The following MYO18B variants were observed in gnomAD, a reference collection of about 807,000 sequenced individuals.
MYO18B encodes unconventional myosin-XVIIIb.
Under a neutral mutation model 273.0 loss-of-function variants are expected in MYO18B, and 204 were observed. The ratio of observed to expected loss-of-function variants is 0.75; its 90% CI spans 0.67 to 0.84. The LOEUF is 0.84. MYO18B is among the 40% of genes least tolerant of loss of function. The probability of loss-of-function intolerance (pLI) is 0.00; values close to 1 mark genes in which losing one functional copy is unlikely to be tolerated. For synonymous variants in MYO18B, 1,330 were observed against 1,305.7 expected (o/e 1.02, Z -0.40); for missense variants, 3,212 against 3,287.6 (o/e 0.98, Z 0.56).
Position 25,918,808 on chromosome 22 carries a change from C to G in MYO18B, c.5365-2449C>G, listed in dbSNP as rs549581055. 5.7e-4 allele frequency among the ~76,000 whole-genome samples: 87 copies of G among 152,354 alleles called. No individual in the cohort carries two copies. In the South Asian group the frequency reaches 0.018, roughly 31 times the overall value. On this transcript the variant is annotated intron_variant, in intron 33 of 43. Coordinates refer to ENST00000335473, the MANE Select transcript of MYO18B (RefSeq NM_032608.7). Reference sequence around the variant, plus strand: ...ATAAGAAATGTGCAAAGCCCACTGCCTAAGCATACTCATGAGTCTGGGTTC... The same window carrying G: ...ATAAGAAATGTGCAAAGCCCACTGCGTAAGCATACTCATGAGTCTGGGTTC...
chr22:25,906,434 GTACACTATCC>G (rs1358070485), intron 31 of MYO18B, among the ~76,000 whole-genome samples: 1 of 152,126 alleles, frequency 6.6e-6, no homozygotes, highest in Admixed American at 6.5e-5. Flanking sequence ...GGCCTCTGAC[GTACACTATCC>G]TTTTGCTCCT....
intron 40 of MYO18B, among the ~76,000 whole-genome samples, chr22:26,000,005 C>T (rs1293074945): frequency 6.6e-6 from 1 of 152,252 alleles, no homozygotes; most frequent in South Asian, 2.1e-4. Context: ...AACCACTGAC[C>T]GCATGTCAGG....
chr22:25,934,991 C>T (rs1024681627), intron 34 of MYO18B, among the ~76,000 whole-genome samples: 4 of 151,800 alleles, frequency 2.6e-5, no homozygotes, highest in African/African-American at 4.8e-5. Context: ...TGCACACACG[C>T]GGTGTGTTTT....
chr22:25,842,446 G>A (rs142283799), intron 17 of MYO18B, among the ~76,000 whole-genome samples: 2 of 152,238 alleles, frequency 1.3e-5, no homozygotes, highest in African/African-American at 4.8e-5. Context: ...GCCAAGGCAG[G>A]CAGATCACTT....
At chr22:25,833,714 G>A (rs1203011327) in intron 16 of MYO18B, among the ~76,000 whole-genome samples, 1 of 152,162 alleles carries the variant, frequency 6.6e-6, no homozygotes, top group African/African-American at 2.4e-5. Flanking sequence ...TCCAGAATGG[G>A]GATGCTACTT....
Position 25,847,572 on chromosome 22 carries a change from C to A in MYO18B, c.3695C>A (p.Pro1232His). Residue 1232 changes from proline to histidine, a missense_variant, in exon 20 of 44, where the codon CCT (proline) becomes CAT (histidine). Physicochemically the swap from Pro to His is moderately conservative, Grantham distance 77. Transcript: ENST00000335473. ...PGRDKPGAGG[P>H]LALDIPALRV... ...AGAGACAAGCCTGGGGCAGGTGGAC[C>A]TCTGGCCCTGGATATCCCAGCACTG... is the stretch of plus-strand genomic sequence containing the variant. 3.2e-6 allele frequency: 5 copies of A among 1,567,910 alleles called. No homozygotes were observed. Among genetic ancestry groups the A allele is most frequent in the African/African-American group, 1.4e-5 (1 of 73,836 alleles).
At chr22:25,929,523 T>A (rs889925097) in intron 34 of MYO18B, among the ~76,000 whole-genome samples, 4 of 152,256 alleles carry the variant, frequency 2.6e-5, no homozygotes, top group African/African-American at 9.6e-5. Context: ...AGATGATGTC[T>A]GCTCCAGGGC....
chr22:25,798,038 G>T lies in MYO18B; in HGVS notation c.2462G>T (p.Arg821Leu), dbSNP rs772893371. ...CTCGGCATCTCAGAGAGCGAGCAGCGGGCTGTTTGGCGGGTCCTGGCAGCC... is the reference window on the plus strand; with the variant it reads ...CTCGGCATCTCAGAGAGCGAGCAGCTGGCTGTTTGGCGGGTCCTGGCAGCC... ...EMLGISESEQ[R>L]AVWRVLAAIY... The change falls in exon 12 of 44, where the codon CGG (arginine) becomes CTG (leucine). Residue 821 changes from arginine to leucine, a missense_variant. Physicochemically the swap from Arg to Leu is moderately radical, Grantham distance 102. Transcript: ENST00000335473. 1 of 1,612,998 alleles carries T rather than the reference G, an allele frequency of 6.2e-7. No individual in the cohort carries two copies. Among genetic ancestry groups the T allele is most frequent in the African/African-American group, 1.3e-5 (1 of 75,042 alleles).
Position 25,903,757 on chromosome 22 carries a change from A to C in MYO18B, c.5074A>C (p.Lys1692Gln). 6.2e-7 allele frequency: 1 copy of C among 1,604,758 alleles called. No homozygotes were observed. Among genetic ancestry groups the C allele is most frequent in the South Asian group, 1.1e-5 (1 of 89,048 alleles). The change falls in exon 31 of 44, where the codon AAG becomes CAG. Residue 1692 changes from lysine (K) to glutamine (Q), a missense_variant. Transcript: ENST00000335473. ...TGCTGGCTTGAAGGAGAGGCTCTGG[A>C]AGTTGGAATCCAGCGCCCTTGAGCA... Reference protein sequence around the residue: ...CVAGLKERLWKLESSALEQQK... With the variant: ...CVAGLKERLWQLESSALEQQK...
chr22:25,987,805 A>G (rs917592358), intron 39 of MYO18B, among the ~76,000 whole-genome samples: 2 of 152,126 alleles, frequency 1.3e-5, no homozygotes, highest in African/African-American at 4.8e-5. Flanking sequence ...ATATACCAGG[A>G]TATATGGATG....
At chr22:25,790,924 G>A (rs1444449712) in intron 11 of MYO18B, among the ~76,000 whole-genome samples, 1 of 152,088 alleles carries the variant, frequency 6.6e-6, no homozygotes, top group African/African-American at 2.4e-5. Context: ...CTCAAATCTG[G>A]GCTGAGTAGT....
At chr22:26,053,959 G>T in the MYO18B span, among the ~76,000 whole-genome samples, 6 of 152,172 alleles carry the variant, frequency 3.9e-5, no homozygotes, top group Non-Finnish European at 7.3e-5. Context: ...GGAGAACTGG[G>T]AGGGGTTGGG....
At chr22:25,878,165 G>A (rs2091252463) in intron 25 of MYO18B, 117 bp downstream of exon 25, 1 of 778,786 alleles carries the variant, frequency 1.3e-6, no homozygotes, top group South Asian at 1.9e-5. Context: ...AAGCACCCCA[G>A]AATTACCTGT....
At position 25,843,906 on chromosome 22, in the gene MYO18B, C is replaced by G. The variant is rs1373296952; in HGVS notation, c.3368+12C>G. 1 of 1,595,298 alleles carries G rather than the reference C, an allele frequency of 6.3e-7. No individual in the cohort carries two copies. Among genetic ancestry groups the G allele is most frequent in the East Asian group, 2.3e-5 (1 of 44,444 alleles). On this transcript the variant is annotated intron_variant, in intron 18 of 43. Transcript: ENST00000335473. Reference sequence around the variant, plus strand: ...CACCAGTCAAAAAGGTGAGTTGGGTCAGGGTTGGGGACGGGGATGGAGCAT... The same window carrying G: ...CACCAGTCAAAAAGGTGAGTTGGGTGAGGGTTGGGGACGGGGATGGAGCAT...
intron 22 of MYO18B, among the ~76,000 whole-genome samples, chr22:25,870,564 G>A (rs1050571383): frequency 1.3e-5 from 2 of 152,150 alleles, no homozygotes; most frequent in Non-Finnish European, 2.9e-5. Flanking sequence ...GTCATTAGGC[G>A]GTGCATGACT....
intron 19 of MYO18B, 61 bp from the exon 20 acceptor site, chr22:25,847,369 C>G (rs2090282398): frequency 1.4e-6 from 2 of 1,439,548 alleles, no homozygotes; most frequent in African/African-American, 2.8e-5. Flanking sequence ...TGGAGAGGGT[C>G]CAGTCCCCTT....
intron 35 of MYO18B, 78 bp downstream of exon 35, chr22:25,946,328 T>C: frequency 3.1e-6 from 3 of 971,596 alleles, no homozygotes; most frequent in Non-Finnish European, 4.7e-6. Flanking sequence ...TAGTGTGCGC[T>C]CAGCACTATA....
Position 25,891,062 on chromosome 22 carries a change from G to A in MYO18B, c.4434+187G>A, listed in dbSNP as rs553862764. ...CTTGGCCTTGGGGGTGTTATGGGTG[G>A]ATAGTCCCTGGCTAGAGAGGCGAAT... On this transcript the variant is annotated intron_variant, in intron 26 of 43. Transcript: ENST00000335473. Among the ~76,000 whole-genome samples, 376 of 152,296 alleles carry A rather than the reference G, an allele frequency of 2.5e-3. 1 individual carries two copies. Among genetic ancestry groups the A allele is most frequent in the African/African-American group, 8.7e-3 (363 of 41,568 alleles).
At chr22:25,917,436 G>T (rs955066712) in intron 33 of MYO18B, among the ~76,000 whole-genome samples, 1 of 151,528 alleles carries the variant, frequency 6.6e-6, no homozygotes, top group Non-Finnish European at 1.5e-5. Context: ...ATTCTTACTT[G>T]GTGTCTTTCT....
Sources: gnomAD v4.1 joint callset for allele counts (sites outside exome capture counted in the v4.1 genomes callset) on GRCh38, gnomAD v4.1.1 for gene constraint, MANE v1.5 for transcripts, NCBI Gene and HGNC (gene_info 2026-07-23, HGNC 2026-07-21) for gene names.